The following GNG7 variants were observed in gnomAD, a reference collection of about 807,000 sequenced individuals.
The protein encoded by GNG7 is guanine nucleotide-binding protein G(I)/G(S)/G(O) subunit gamma-7.
GNG7 carries 1 observed loss-of-function variant against 4.0 expected under a neutral mutation model. The ratio of observed to expected loss-of-function variants is 0.25; its 90% CI spans 0.09 to 1.18. The LOEUF is 1.18. Among genes scored for constraint, GNG7 ranks in the 50% most tolerant of loss-of-function variants. The pLI, the probability that GNG7 is intolerant of heterozygous loss-of-function variation, is 0.50. For synonymous variants in GNG7, 34 were observed against 36.9 expected, an observed-to-expected ratio of 0.92 and a Z score of 0.29; for missense variants, 86 against 91.9, an observed-to-expected ratio of 0.94 and a Z score of 0.26.
intron 1 of GNG7, among the ~76,000 whole-genome samples, chr19:2,695,011 C>CA (rs1056781168): frequency 2.0e-5 from 3 of 151,686 alleles, no homozygotes; most frequent in Non-Finnish European, 2.9e-5. Flanking sequence ...TCCACGTTTA[C>CA]AAAAAAAAGT....
chr19:2,650,671 C>T (rs1982787914), intron 1 of GNG7, among the ~76,000 whole-genome samples: 3 of 152,194 alleles, frequency 2.0e-5, no homozygotes, highest in African/African-American at 7.2e-5. Flanking sequence ...GCGAGCACAG[C>T]GTGGGTGAAG....
chr19:2,520,812 C>T, intron 3 of GNG7, 87 bp from the exon 4 acceptor site: 2 of 634,012 alleles, frequency 3.2e-6, no homozygotes, highest in Non-Finnish European at 5.7e-6. Context: ...CTCAACCTTC[C>T]CGACTCTAGG....
In GNG7 at chr19:2,646,748, G is replaced by A. The variant is rs113843449; in HGVS notation, c.-134-468C>T. ...AATTCACTGAAAATATTTATTATTA[G>A]AGATTTATGACGTTATTCCTAATAC... On this transcript the variant is annotated intron_variant, in intron 1 of 4. Coordinates refer to ENST00000382159, the MANE Select transcript of GNG7 (RefSeq NM_052847.3). Among the ~76,000 whole-genome samples, 1,418 of 152,220 alleles carry A rather than the reference G, an allele frequency of 9.3e-3. 24 individuals carry two copies. The highest frequency in any genetic ancestry group is 0.032 in the African/African-American group (1,320 of 41,544).
chr19:2,671,272 CA>C (rs80280491), intron 1 of GNG7, among the ~76,000 whole-genome samples: 49,192 of 151,792 alleles, frequency 0.32, 8,181 homozygotes, highest in East Asian at 0.53. Flanking sequence ...CACCAACTCC[CA>C]GCAGCTCAGG....
intron 3 of GNG7, among the ~76,000 whole-genome samples, chr19:2,554,245 A>G (rs1007380734): frequency 2.0e-5 from 3 of 149,036 alleles, no homozygotes; most frequent in African/African-American, 7.3e-5. Context: ...CCATGGTGCA[A>G]TCACAATCAC....
intron 1 of GNG7, among the ~76,000 whole-genome samples, chr19:2,675,603 C>T (rs2144893456): frequency 6.6e-6 from 1 of 152,262 alleles, no homozygotes; most frequent in Non-Finnish European, 1.5e-5. Context: ...TGAGGGACTG[C>T]TGGGGGAAAT....
chr19:2,575,615 A>C (rs1293705493), intron 2 of GNG7, among the ~76,000 whole-genome samples: 1 of 145,388 alleles, frequency 6.9e-6, no homozygotes, highest in African/African-American at 2.6e-5. Flanking sequence ...ACGCAGGCAC[A>C]CACAGACATG....
At position 2,617,725 on chromosome 19, in the gene GNG7, T is replaced by TA. The variant is rs1555698033; in HGVS notation, c.-78+28498_-78+28499insT. On this transcript the variant is annotated intron_variant, in intron 2 of 4. Coordinates refer to ENST00000382159, the MANE Select transcript of GNG7 (RefSeq NM_052847.3). The surrounding 1 kb of genome is among the most constrained non-coding windows in gnomAD (Gnocchi z 4.7). ...CCTATTTTGTCTTTTCCTTTTTATT[T>TA]TTTTTTTTTTTGAGATAGGGTCTTG... Among the ~76,000 whole-genome samples the TA allele has an allele frequency of 1.9e-4, 28 of 149,220 alleles. No homozygotes were observed. Among genetic ancestry groups the TA allele is most frequent in the African/African-American group, 6.4e-4 (25 of 39,282 alleles).
intron 4 of GNG7, among the ~76,000 whole-genome samples, chr19:2,520,175 C>T (rs759406254): frequency 1.3e-5 from 2 of 151,956 alleles, no homozygotes; most frequent in Non-Finnish European, 2.9e-5. Context: ...AGCAAGACTC[C>T]GTCTCAAACA....
intron 2 of GNG7, among the ~76,000 whole-genome samples, chr19:2,590,485 T>TCATCCATC (rs755259874): frequency 1.4e-4 from 19 of 131,984 alleles, no homozygotes; most frequent in African/African-American, 4.9e-4. Flanking sequence ...ACCCATCTGT[T>TCATCCATC]CATCCATCCA....
At chr19:2,680,144 CTTTT>C (rs775146336) in intron 1 of GNG7, among the ~76,000 whole-genome samples, 1 of 119,000 alleles carries the variant, frequency 8.4e-6, no homozygotes. Context: ...GACCTTGTCT[CTTTT>C]TTTTTTTTTT....
intron 4 of GNG7, among the ~76,000 whole-genome samples, chr19:2,519,282 C>T (rs192129163): frequency 6.6e-6 from 1 of 150,652 alleles, no homozygotes; most frequent in Non-Finnish European, 1.5e-5. Flanking sequence ...TCCCAAATAG[C>T]TGGGATTACA....
intron 2 of GNG7, among the ~76,000 whole-genome samples, chr19:2,573,441 A>C (rs567198106): frequency 1.3e-5 from 2 of 152,260 alleles, no homozygotes; most frequent in South Asian, 2.1e-4. Flanking sequence ...AGAAGACTTA[A>C]GATCTTGTCT....
intron 1 of GNG7, among the ~76,000 whole-genome samples, chr19:2,659,016 C>T (rs1210303970): frequency 1.3e-5 from 2 of 150,866 alleles, no homozygotes; most frequent in African/African-American, 4.9e-5. Flanking sequence ...GTCACCCAGG[C>T]TGGAGGGCAG....
At chr19:2,523,482 G>A (rs138868448) in intron 3 of GNG7, among the ~76,000 whole-genome samples, 3 of 152,082 alleles carry the variant, frequency 2.0e-5, no homozygotes, top group African/African-American at 7.2e-5. Context: ...GAGCCTGGGA[G>A]GTTGAGGCCA....
intron 1 of GNG7, among the ~76,000 whole-genome samples, chr19:2,696,186 G>T (rs979891795): frequency 4.8e-5 from 7 of 144,620 alleles, no homozygotes; most frequent in Non-Finnish European, 9.2e-5. Context: ...AGAGAGAGAG[G>T]AGAGAGAGGG....
intron 2 of GNG7, among the ~76,000 whole-genome samples, chr19:2,595,963 G>C (rs553559843): frequency 1.3e-5 from 2 of 152,116 alleles, no homozygotes; most frequent in East Asian, 3.9e-4. Flanking sequence ...ATCAACGACC[G>C]AATCCAGCTC....
At chr19:2,602,326 G>A (rs906241656) in intron 2 of GNG7, among the ~76,000 whole-genome samples, 1 of 147,852 alleles carries the variant, frequency 6.8e-6, no homozygotes, top group South Asian at 2.1e-4. Flanking sequence ...GACAGAGCGA[G>A]ACTCCGTCTC....
chr19:2,610,394 C>A (rs1489251482), intron 2 of GNG7: 2 of 151,496 alleles, frequency 1.3e-5, no homozygotes, highest in African/African-American at 4.9e-5. Flanking sequence ...GTCGCCCAGG[C>A]TGGAGTGTAG....
Sources: gnomAD v4.1 joint callset for allele counts (sites outside exome capture counted in the v4.1 genomes callset) on GRCh38, gnomAD v4.1.1 for gene constraint, Gnocchi (gnomAD v3.1) non-coding constraint, MANE v1.5 for transcripts, NCBI Gene and HGNC (gene_info 2026-07-23, HGNC 2026-07-21) for gene names.